Variants in SPOCK3 observed in about 807,000 individuals in gnomAD.
SPOCK3 encodes the protein SPARC (osteonectin), cwcv and kazal like domains proteoglycan 3.
A neutral mutation model predicts 56.6 loss-of-function variants in SPOCK3; 30 were observed. The observed-to-expected ratio is 0.53, with a 90% CI of 0.40 to 0.72. The LOEUF (loss-of-function observed/expected upper bound fraction) is 0.72. Ranked by LOEUF, SPOCK3 falls within the 30% of genes least tolerant of loss-of-function variation. The pLI is 0.00. For synonymous variants in SPOCK3, 196 were observed against 183.3 expected (o/e 1.07, Z -0.56); for missense variants, 527 against 530.0 (o/e 0.99, Z 0.06).
intron 4 of SPOCK3, among the ~76,000 whole-genome samples, chr4:166,947,625 A>G (rs1385114095): frequency 6.6e-6 from 1 of 152,148 alleles, no homozygotes; most frequent in Non-Finnish European, 1.5e-5. Context: ...TTTTCCTGAT[A>G]AAACTCACCA....
intron 2 of SPOCK3, among the ~76,000 whole-genome samples, chr4:167,077,390 G>A (rs1757297332): frequency 6.6e-6 from 1 of 151,708 alleles, no homozygotes; most frequent in African/African-American, 2.4e-5. Flanking sequence ...AATGAAAAGT[G>A]TAGAAATGAA....
intron 2 of SPOCK3, among the ~76,000 whole-genome samples, chr4:167,137,682 C>T: frequency 6.6e-6 from 1 of 151,754 alleles, no homozygotes; most frequent in East Asian, 1.9e-4. Flanking sequence ...CTAACTCCTG[C>T]CCATTGTAGG....
chr4:166,977,228 ATGT>A (rs1206557996), intron 4 of SPOCK3, among the ~76,000 whole-genome samples: 10 of 152,068 alleles, frequency 6.6e-5, no homozygotes, highest in African/African-American at 2.2e-4. Flanking sequence ...ATTTATAATC[ATGT>A]TGTATTTAAT....
chr4:166,877,299 G>C (rs956579866), intron 6 of SPOCK3, among the ~76,000 whole-genome samples: 10 of 152,100 alleles, frequency 6.6e-5, no homozygotes, highest in African/African-American at 2.4e-4. Flanking sequence ...TTTCTCTGCA[G>C]CTATTTTCTC....
intron 2 of SPOCK3, among the ~76,000 whole-genome samples, chr4:167,180,567 C>G (rs1335729248): frequency 6.6e-6 from 1 of 152,156 alleles, no homozygotes; most frequent in African/African-American, 2.4e-5. Flanking sequence ...ATACTGAGGT[C>G]TATAAGGTGG....
intron 3 of SPOCK3, among the ~76,000 whole-genome samples, chr4:167,010,750 T>G (rs1749960166): frequency 6.6e-6 from 1 of 152,018 alleles, no homozygotes; most frequent in Admixed American, 6.6e-5. Flanking sequence ...AGCAATAAAC[T>G]GATAAAATTT....
At chr4:167,055,334 A>G (rs551127925) in intron 3 of SPOCK3, among the ~76,000 whole-genome samples, 52 of 152,362 alleles carry the variant, frequency 3.4e-4, no homozygotes, top group African/African-American at 1.2e-3. Context: ...AAGATGGCCA[A>G]ATAGGAACAG....
At chr4:167,152,825 A>C (rs892881357) in intron 2 of SPOCK3, among the ~76,000 whole-genome samples, 1 of 152,198 alleles carries the variant, frequency 6.6e-6, no homozygotes, top group African/African-American at 2.4e-5. Flanking sequence ...TTATCAAAAT[A>C]TGTTTTTTAA....
intron 7 of SPOCK3, among the ~76,000 whole-genome samples, chr4:166,772,833 C>T (rs1452039152): frequency 6.6e-6 from 1 of 152,150 alleles, no homozygotes; most frequent in East Asian, 1.9e-4. Flanking sequence ...ACTCTGTCAC[C>T]CAGGCTGGAT....
chr4:167,082,168 T>C (rs1401122686), intron 2 of SPOCK3, among the ~76,000 whole-genome samples: 1 of 152,136 alleles, frequency 6.6e-6, no homozygotes, highest in African/African-American at 2.4e-5. Flanking sequence ...TAGCACTTGA[T>C]TAATTAGCAT....
At position 166,784,231 on chromosome 4, in the gene SPOCK3, G is replaced by T. The variant is rs142715702; in HGVS notation, c.709+7939C>A. Among the ~76,000 whole-genome samples, 425 of 152,170 alleles carry T rather than the reference G, an allele frequency of 2.8e-3. 2 individuals carry two copies. The highest frequency in any genetic ancestry group is 9.8e-3 in the African/African-American group (408 of 41,536). On this transcript the variant is annotated intron_variant, in intron 7 of 10. Coordinates refer to ENST00000357545, the MANE Select transcript of SPOCK3 (RefSeq NM_001040159.2). The stretch of plus-strand genomic sequence containing the variant: ...ATAACCAAAAGTTTGGTTCCTAGCA[G>T]ATCCAATGCAGTAATTTCTCAGGAC...
At chr4:167,205,556 TAA>T (rs33950763) in intron 2 of SPOCK3, among the ~76,000 whole-genome samples, 7,175 of 76,192 alleles carry the variant, frequency 0.094, 450 homozygotes, top group East Asian at 0.2. Flanking sequence ...ATATAATATA[TAA>T]TATATATTAT....
intron 3 of SPOCK3, among the ~76,000 whole-genome samples, chr4:167,048,991 T>TCA (rs1753959381): frequency 6.6e-6 from 1 of 152,108 alleles, no homozygotes; most frequent in Admixed American, 6.6e-5. Context: ...AACTGAAAAA[T>TCA]CACTTAGCTT....
At chr4:166,776,585 C>T (rs1286244019) in intron 7 of SPOCK3, among the ~76,000 whole-genome samples, 1 of 152,122 alleles carries the variant, frequency 6.6e-6, no homozygotes, top group Non-Finnish European at 1.5e-5. Context: ...AGTGAGATTA[C>T]AGGTAGAGAA....
chr4:166,855,280 A>G (rs1730531514), intron 6 of SPOCK3, among the ~76,000 whole-genome samples: 1 of 152,150 alleles, frequency 6.6e-6, no homozygotes, highest in Non-Finnish European at 1.5e-5. Flanking sequence ...TTTTTAAAAC[A>G]TACAGACAAA....
chr4:167,126,994 A>G (rs944014058), intron 2 of SPOCK3, among the ~76,000 whole-genome samples: 1 of 152,112 alleles, frequency 6.6e-6, no homozygotes, highest in African/African-American at 2.4e-5. Flanking sequence ...ATCATACTGC[A>G]AAGTACAGCC....
rs143312778 is a variant in SPOCK3 at position 166,780,048 on chromosome 4, C to A, written c.709+12122G>T. ...AAAGGCAAGGACTCACTGGTTTCAC[C>A]TAGAATGTGAGAAGTTAAAAAGAGT... is the stretch of plus-strand genomic sequence containing the variant. On this transcript the variant is annotated intron_variant, in intron 7 of 10. Coordinates refer to ENST00000357545, the MANE Select transcript of SPOCK3 (RefSeq NM_001040159.2). Among the ~76,000 whole-genome samples the A allele has an allele frequency of 7.7e-4, 117 of 152,148 alleles. 1 individual carries two copies. In the East Asian group the frequency reaches 0.016, roughly 21 times the overall value.
chr4:167,099,700 T>A (rs1026079020), intron 2 of SPOCK3, among the ~76,000 whole-genome samples: 2 of 152,144 alleles, frequency 1.3e-5, no homozygotes, highest in Non-Finnish European at 1.5e-5. Context: ...ATTTAAAATT[T>A]GTTATTTTTT....
chr4:167,047,785 C>A (rs180786867), intron 3 of SPOCK3, among the ~76,000 whole-genome samples: 1 of 152,164 alleles, frequency 6.6e-6, no homozygotes, highest in Non-Finnish European at 1.5e-5. Context: ...CTGTGGCTCA[C>A]GCCTGTAATC....
Sources: allele counts gnomAD v4.1 joint callset (sites outside exome capture counted in the v4.1 genomes callset), GRCh38; gene constraint gnomAD v4.1.1; transcripts MANE v1.5; gene names NCBI Gene and HGNC (gene_info 2026-07-23, HGNC 2026-07-21).